Variants in MSRA observed in about 807,000 individuals in gnomAD.
MSRA encodes the protein methionine sulfoxide reductase A.
Under a neutral mutation model 31.3 loss-of-function variants are expected in MSRA, and 54 were observed. The observed-to-expected ratio is 1.73, with a 90% CI of 1.39 to 2.17. The LOEUF (loss-of-function observed/expected upper bound fraction) is 2.17, where lower values mean the gene tolerates loss of function less well. Ranked by LOEUF, MSRA falls within the 30% of genes most tolerant of loss-of-function variation. The probability of loss-of-function intolerance (pLI) is 0.00; values close to 1 mark genes in which losing one functional copy is unlikely to be tolerated. For missense variants in MSRA, 507 were observed against 300.9 expected (o/e 1.69, Z -5.07); for synonymous variants, 169 against 116.5 (o/e 1.45, Z -2.90).
intron 3 of MSRA, among the ~76,000 whole-genome samples, chr8:10,274,918 CTTTT>C (rs1331044185): frequency 1.3e-5 from 2 of 152,172 alleles, no homozygotes; most frequent in Admixed American, 6.5e-5. Context: ...CGTCTATCTT[CTTTT>C]GAGTTGCTTT....
chr8:10,371,195 G>C (rs1033037691), intron 5 of MSRA, among the ~76,000 whole-genome samples: 1 of 152,190 alleles, frequency 6.6e-6, no homozygotes, highest in African/African-American at 2.4e-5. Flanking sequence ...ACAAGATCGA[G>C]AAGGATGTAA....
At chr8:10,425,713 C>A (rs996241007) in intron 5 of MSRA, among the ~76,000 whole-genome samples, 18 of 152,238 alleles carry the variant, frequency 1.2e-4, no homozygotes, top group African/African-American at 4.3e-4. Context: ...GTGTCAGCCG[C>A]GGAGTGGGTA....
intron 1 of MSRA, among the ~76,000 whole-genome samples, chr8:10,099,101 G>C (rs146790379): frequency 0.015 from 2,269 of 150,680 alleles, 24 homozygotes; most frequent in Non-Finnish European, 0.022. Flanking sequence ...GTGTGTGTAT[G>C]TTTGTGAGTG....
intron 5 of MSRA, among the ~76,000 whole-genome samples, chr8:10,396,632 C>G (rs1270075400): frequency 6.6e-6 from 1 of 152,184 alleles, no homozygotes; most frequent in Admixed American, 6.5e-5. Context: ...TCAGAACTTT[C>G]TGGAAGGATG....
chr8:10,297,566 G>A (rs1009867689), intron 3 of MSRA, among the ~76,000 whole-genome samples: 10 of 152,134 alleles, frequency 6.6e-5, no homozygotes, highest in Admixed American at 4.6e-4. Flanking sequence ...TGTAAAGTGT[G>A]GGCATTTCTG....
At chr8:10,117,314 G>C in intron 1 of MSRA, among the ~76,000 whole-genome samples, 1 of 152,076 alleles carries the variant, frequency 6.6e-6, no homozygotes, top group Non-Finnish European at 1.5e-5. Flanking sequence ...GAAAAGAATC[G>C]TGAAGGGAAA....
At chr8:10,301,217 G>T (rs1297710614) in intron 3 of MSRA, among the ~76,000 whole-genome samples, 2 of 152,140 alleles carry the variant, frequency 1.3e-5, no homozygotes, top group Admixed American at 1.3e-4. Context: ...TGTCAGGGTG[G>T]ATCCATAAGG....
intron 1 of MSRA, among the ~76,000 whole-genome samples, chr8:10,069,139 CTG>C (rs566242870): frequency 2.7e-4 from 41 of 152,284 alleles, no homozygotes; most frequent in African/African-American, 9.9e-4. Flanking sequence ...TGCACCCTTG[CTG>C]TAATTTCTTA....
chr8:10,218,212 T>A (rs1312294934), intron 2 of MSRA, among the ~76,000 whole-genome samples: 1 of 151,852 alleles, frequency 6.6e-6, no homozygotes, highest in Non-Finnish European at 1.5e-5. Flanking sequence ...AGTGGTGCGG[T>A]CTTGGCTCAC....
chr8:10,239,383 A>G (rs780452389), intron 2 of MSRA, among the ~76,000 whole-genome samples: 1 of 152,162 alleles, frequency 6.6e-6, no homozygotes, highest in Admixed American at 6.5e-5. Flanking sequence ...GATGGCCTCG[A>G]TGTCTTGACC....
intron 1 of MSRA, among the ~76,000 whole-genome samples, chr8:10,099,023 G>A (rs942136356): frequency 6.6e-6 from 1 of 152,168 alleles, no homozygotes; most frequent in African/African-American, 2.4e-5. Context: ...TTGAAAGAAG[G>A]TTTGCTAGGG....
intron 5 of MSRA, among the ~76,000 whole-genome samples, chr8:10,327,253 C>G (rs982501620): frequency 6.6e-6 from 1 of 152,162 alleles, no homozygotes; most frequent in Non-Finnish European, 1.5e-5. Context: ...TTTGTCCACC[C>G]TTCCATCCAT....
intron 4 of MSRA, among the ~76,000 whole-genome samples, 199 bp downstream of exon 4, chr8:10,301,837 C>T (rs1039538436): frequency 2.0e-5 from 3 of 152,108 alleles, no homozygotes; most frequent in African/African-American, 7.2e-5. Flanking sequence ...CATTCGGCGC[C>T]CCTGCCCCCC....
At chr8:10,178,275 A>C (rs546782870) in intron 1 of MSRA, among the ~76,000 whole-genome samples, 1 of 152,150 alleles carries the variant, frequency 6.6e-6, no homozygotes, top group Non-Finnish European at 1.5e-5. Flanking sequence ...GTAAAAATCA[A>C]ATGAATCTGA....
chr8:10,216,141 C>T (rs1048354527), intron 2 of MSRA, among the ~76,000 whole-genome samples: 2 of 152,114 alleles, frequency 1.3e-5, no homozygotes, highest in South Asian at 2.1e-4. Context: ...TTCTTGTTCT[C>T]ATTCTCCCCA....
At chr8:10,290,610 G>A (rs920311718) in intron 3 of MSRA, among the ~76,000 whole-genome samples, 4 of 152,120 alleles carry the variant, frequency 2.6e-5, no homozygotes, top group African/African-American at 7.2e-5. Context: ...TTCCATTGGT[G>A]GGGTGGAGGG....
At chr8:10,293,536 C>A (rs1005258202) in intron 3 of MSRA, among the ~76,000 whole-genome samples, 1 of 152,222 alleles carries the variant, frequency 6.6e-6, no homozygotes, top group Non-Finnish European at 1.5e-5. Flanking sequence ...CAGCCTCCCC[C>A]ACTTGATATT....
intron 4 of MSRA, among the ~76,000 whole-genome samples, chr8:10,312,730 A>C (rs1434136923): frequency 6.6e-6 from 1 of 152,228 alleles, no homozygotes; most frequent in East Asian, 1.9e-4. Flanking sequence ...CAACGAACAC[A>C]AGCTTAGTTT....
At chr8:10,169,396 G>T (rs1188838641) in intron 1 of MSRA, among the ~76,000 whole-genome samples, 5 of 152,188 alleles carry the variant, frequency 3.3e-5, no homozygotes, top group Non-Finnish European at 1.5e-5. Context: ...TTCCCTGTGT[G>T]TTACTGCCAC....
Sources: allele counts gnomAD v4.1 joint callset (sites outside exome capture counted in the v4.1 genomes callset), GRCh38; gene constraint gnomAD v4.1.1; transcripts MANE v1.5; gene names NCBI Gene and HGNC (gene_info 2026-07-23, HGNC 2026-07-21).